The following CENPW variants were observed in gnomAD, a reference collection of about 807,000 sequenced individuals.
CENPW encodes cancer-up-regulated gene 2 protein.
Under a neutral mutation model 11.1 loss-of-function variants are expected in CENPW, and 3 were observed. That is an observed-to-expected ratio of 0.27 (90% CI 0.12 to 0.70). The LOEUF is 0.70. CENPW is among the 30% of genes least tolerant of loss of function. The pLI is 0.77. For synonymous variants in CENPW, 38 were observed against 42.0 expected, an observed-to-expected ratio of 0.91 and a Z score of 0.37; for missense variants, 100 against 105.6, an observed-to-expected ratio of 0.95 and a Z score of 0.23.
the CENPW span, among the ~76,000 whole-genome samples, chr6:126,418,430 T>G: frequency 6.6e-6 from 1 of 152,200 alleles, no homozygotes; most frequent in Non-Finnish European, 1.5e-5. Flanking sequence ...TTTTTTATAC[T>G]TTTCTGCAAA....
At chr6:126,459,611 G>T in the CENPW span, among the ~76,000 whole-genome samples, 2 of 151,408 alleles carry the variant, frequency 1.3e-5, no homozygotes, top group African/African-American at 4.8e-5. Context: ...AACACCAGTT[G>T]GGTAAAATAT....
At chr6:126,374,224 G>A in the CENPW span, among the ~76,000 whole-genome samples, 1 of 152,122 alleles carries the variant, frequency 6.6e-6, no homozygotes, top group African/African-American at 2.4e-5. Flanking sequence ...AGCTAGTATT[G>A]CTAGTGTCAC....
chr6:126,340,210 C>A lies in CENPW; in HGVS notation c.-64C>A. 3 of 1,512,742 alleles carry A rather than the reference C, an allele frequency of 2.0e-6. No individual in the cohort carries two copies. The highest frequency in any genetic ancestry group is 2.7e-6 in the Non-Finnish European group (3 of 1,094,864). 93.7% of individuals were successfully genotyped at this position (1,512,742 alleles called of 1,614,324 possible). A position where few individuals can be genotyped will look rare whatever the true frequency, so the allele number is the denominator to read the frequency against. On this transcript the variant is annotated 5_prime_UTR_variant, in exon 1 of 3. Coordinates refer to ENST00000368328, the MANE Select transcript of CENPW (RefSeq NM_001012507.4). Reference sequence around the variant, plus strand: ...ATTGTTTTCGCTGGCCCAGTGTCCCCGGAGCTTGTGTGCGATACAGAGAGC... The same window carrying A: ...ATTGTTTTCGCTGGCCCAGTGTCCCAGGAGCTTGTGTGCGATACAGAGAGC...
the CENPW span, among the ~76,000 whole-genome samples, chr6:126,366,907 G>A: frequency 6.6e-6 from 1 of 152,174 alleles, no homozygotes; most frequent in African/African-American, 2.4e-5. Context: ...ATGCACAAGA[G>A]AGCAAGAGAT....
intron 1 of CENPW, among the ~76,000 whole-genome samples, chr6:126,344,144 G>C (rs778538872): frequency 1.3e-5 from 2 of 152,208 alleles, no homozygotes; most frequent in South Asian, 4.1e-4. Flanking sequence ...ATACAGTGTT[G>C]AAAAGACTAG....
the CENPW span, among the ~76,000 whole-genome samples, chr6:126,392,106 C>T: frequency 1.3e-5 from 2 of 151,810 alleles, no homozygotes; most frequent in Non-Finnish European, 3.0e-5. Context: ...ATCCCCTGAA[C>T]ATGAAATATC....
the CENPW span, among the ~76,000 whole-genome samples, chr6:126,368,533 T>C: frequency 6.6e-6 from 1 of 151,824 alleles, no homozygotes; most frequent in Admixed American, 6.6e-5. Context: ...TTTTTTTTTT[T>C]CAGTAGGCTT....
At chr6:126,370,924 TTG>T in the CENPW span, among the ~76,000 whole-genome samples, 4 of 151,096 alleles carry the variant, frequency 2.6e-5, no homozygotes, top group Admixed American at 6.6e-5. Flanking sequence ...GGCTAATTTT[TTG>T]TGTGTGTGTG....
At chr6:126,358,560 C>T in the CENPW span, among the ~76,000 whole-genome samples, 2 of 152,058 alleles carry the variant, frequency 1.3e-5, no homozygotes, top group Non-Finnish European at 2.9e-5. Flanking sequence ...ATGAAGCCTC[C>T]TTGATTGTGA....
At chr6:126,383,851 A>G in the CENPW span, among the ~76,000 whole-genome samples, 1 of 152,184 alleles carries the variant, frequency 6.6e-6, no homozygotes, top group Admixed American at 6.5e-5. Flanking sequence ...CACTGACAGT[A>G]TGAGACAGGT....
the CENPW span, among the ~76,000 whole-genome samples, chr6:126,457,753 C>CA: frequency 1.3e-5 from 2 of 151,226 alleles, no homozygotes; most frequent in Non-Finnish European, 3.0e-5. Flanking sequence ...AATGGAAAAG[C>CA]AAAATGGCTT....
At chr6:126,397,927 G>A in the CENPW span, among the ~76,000 whole-genome samples, 29 of 151,974 alleles carry the variant, frequency 1.9e-4, no homozygotes, top group Admixed American at 1.9e-3. Flanking sequence ...GTAGATAAAA[G>A]ATGTATACCT....
the CENPW span, among the ~76,000 whole-genome samples, chr6:126,365,306 A>G: frequency 6.6e-6 from 1 of 152,326 alleles, no homozygotes; most frequent in Middle Eastern, 3.4e-3. Context: ...GTAAGGAAAT[A>G]CCTGAAACTG....
downstream of CENPW, among the ~76,000 whole-genome samples, chr6:126,352,599 A>G (rs917608714): frequency 1.3e-5 from 2 of 152,098 alleles, no homozygotes; most frequent in African/African-American, 4.8e-5. Flanking sequence ...CCAACTAGCT[A>G]TAAGAGTTTT....
the CENPW span, among the ~76,000 whole-genome samples, chr6:126,414,067 G>T: frequency 6.6e-6 from 1 of 151,900 alleles, no homozygotes; most frequent in Non-Finnish European, 1.5e-5. Context: ...ACTAAAAAAA[G>T]ACTAAAAGAT....
At chr6:126,470,339 C>T in the CENPW span, among the ~76,000 whole-genome samples, 1 of 152,222 alleles carries the variant, frequency 6.6e-6, no homozygotes, top group African/African-American at 2.4e-5. Context: ...CAAACCTTGG[C>T]AGCTTCCATG....
At chr6:126,431,561 A>T in the CENPW span, among the ~76,000 whole-genome samples, 4 of 152,202 alleles carry the variant, frequency 2.6e-5, no homozygotes, top group South Asian at 8.3e-4. Flanking sequence ...CTGCTTCACA[A>T]TGAAGCTGGT....
chr6:126,360,479 A>G, the CENPW span, among the ~76,000 whole-genome samples: 51 of 152,120 alleles, frequency 3.4e-4, no homozygotes, highest in African/African-American at 1.2e-3. Context: ...CATTCTGGCT[A>G]GATTAAGGAA....
the CENPW span, among the ~76,000 whole-genome samples, chr6:126,360,031 T>A: frequency 6.6e-6 from 1 of 152,278 alleles, no homozygotes; most frequent in South Asian, 2.1e-4. Context: ...CTGTGGGCTA[T>A]GTGCTTAAGT....
Sources: allele counts gnomAD v4.1 joint callset (sites outside exome capture counted in the v4.1 genomes callset), GRCh38; gene constraint gnomAD v4.1.1; transcripts MANE v1.5; gene names NCBI Gene and HGNC (gene_info 2026-07-23, HGNC 2026-07-21).